ATXN2: variants seen among roughly 807,000 people sequenced by gnomAD.
ATXN2 encodes ataxin 2, also known as ataxin-2.
In ATXN2, 37 loss-of-function variants were observed where a neutral mutation model predicts 138.6. That is an observed-to-expected ratio of 0.27 (90% CI 0.21 to 0.35). The LOEUF (loss-of-function observed/expected upper bound fraction) is 0.35. Ranked by LOEUF, ATXN2 falls within the 10% of genes least tolerant of loss-of-function variation. The pLI is 1.00. For synonymous variants in ATXN2, 549 were observed against 543.7 expected, an observed-to-expected ratio of 1.01 and a Z score of -0.13; for missense variants, 1,216 against 1,480.3, an observed-to-expected ratio of 0.82 and a Z score of 2.93.
At position 111,543,698 on chromosome 12, in the gene ATXN2, C is replaced by T. The variant is rs563994934; in HGVS notation, c.571+8582G>A. ...ATTCCATTTTTCTTGAATTTATTCA[C>T]GTGCTTTGCTATCTCTAACTCTAAA... On this transcript the variant is annotated intron_variant, in intron 5 of 24. Transcript: ENST00000673436. Among the ~76,000 whole-genome samples the T allele has an allele frequency of 1.1e-3, 165 of 152,266 alleles. 3 individuals are homozygous for T. In the South Asian group the frequency reaches 0.031, roughly 29 times the overall value.
Position 111,599,119 on chromosome 12 carries a change from G to C in ATXN2, c.-85C>G, listed in dbSNP as rs898567248. ...CCAAGGAGACGCCGGAACGCGGCGG[G>C]GACGCGCGGGCGCCGAGCGGGGAGG... On this transcript the variant is annotated 5_prime_UTR_variant, in exon 1 of 25. Transcript: ENST00000673436. The C allele has an allele frequency of 8.0e-7, 1 of 1,243,580 alleles. No homozygotes were observed. Among genetic ancestry groups the C allele is most frequent in the Non-Finnish European group, 1.0e-6 (1 of 995,432 alleles). The allele number at this position is 1,243,580 out of a possible 1,614,324, so 77.0% of individuals were successfully genotyped here.
At chr12:111,594,889 G>T (rs1381843047) in intron 1 of ATXN2, among the ~76,000 whole-genome samples, 1 of 152,094 alleles carries the variant, frequency 6.6e-6, no homozygotes, top group Non-Finnish European at 1.5e-5. Flanking sequence ...CTATCAGCAC[G>T]ACAGATAAAC....
At chr12:111,558,463 G>GA (rs1217911097) in intron 1 of ATXN2, among the ~76,000 whole-genome samples, 2 of 152,082 alleles carry the variant, frequency 1.3e-5, no homozygotes, top group Non-Finnish European at 2.9e-5. Flanking sequence ...TGCCAAATAT[G>GA]AAATTCAAGT....
At chr12:111,575,223 A>G (rs1455666185) in intron 1 of ATXN2, among the ~76,000 whole-genome samples, 1 of 152,002 alleles carries the variant, frequency 6.6e-6, no homozygotes, top group African/African-American at 2.4e-5. Flanking sequence ...CAGACTGCTG[A>G]TAAGAGGGGC....
At chr12:111,475,492 T>C (rs1033532452) in intron 18 of ATXN2, among the ~76,000 whole-genome samples, 14 of 148,722 alleles carry the variant, frequency 9.4e-5, no homozygotes, top group East Asian at 1.9e-4. Flanking sequence ...TGTTTCTTTT[T>C]TTTTTTTTTT....
At position 111,509,602 on chromosome 12, in the gene ATXN2, A is replaced by G. The variant is rs1199728285; in HGVS notation, c.1882T>C (p.Ser628Pro). Residue 628 changes from serine (S) to proline (P), a missense_variant, in exon 14 of 25, where the codon TCT becomes CCT. By Grantham distance (74) the Ser-to-Pro change is moderately conservative. This residue lies in a region of ATXN2 where 215 missense variants were observed against 210.0 expected (regional missense o/e 1.02). Transcript: ENST00000673436. ...AENKGISPVV[S>P]EHRKQIDDLK... The stretch of plus-strand genomic sequence containing the variant: ...TCATCAATCTGTTTTCTATGTTCAG[A>G]AACAACTGGTGATATACCTGTAAAA... The G allele has an allele frequency of 2.0e-6, 3 of 1,494,880 alleles. No individual in the cohort carries two copies. Among genetic ancestry groups the G allele is most frequent in the Non-Finnish European group, 2.8e-6 (3 of 1,085,894 alleles). The allele number at this position is 1,494,880 out of a possible 1,614,324, so 92.6% of individuals were successfully genotyped here.
chr12:111,564,658 T>G (rs1427900464), intron 1 of ATXN2, among the ~76,000 whole-genome samples: 12 of 150,582 alleles, frequency 8.0e-5, no homozygotes, highest in African/African-American at 2.4e-4. Context: ...GGTGCAGAGG[T>G]GCAGCCTGTA....
intron 10 of ATXN2, among the ~76,000 whole-genome samples, chr12:111,515,705 G>T (rs1040994479): frequency 6.6e-5 from 10 of 152,090 alleles, no homozygotes; most frequent in Admixed American, 3.9e-4. Flanking sequence ...CAGCTACATG[G>T]GCTGTCGCTC....
chr12:111,598,994 TGCTGC>T lies in ATXN2; in HGVS notation c.36_40del (p.Gln13AlafsTer75), dbSNP rs748746739. ...CTGCTGCTGTTGCTGCTGCTGCTGC[TGCTGC>T]TGCTGCTGCTGCTGCTGCTGGGGCT... On this transcript the variant is annotated frameshift_variant, in exon 1 of 25. Transcript: ENST00000673436. LOFTEE classifies it high-confidence loss of function. This position sits in a 1 kb window ranked among gnomAD's most constrained non-coding sequence, Gnocchi z 4.5. 554 of 1,402,000 alleles carry T rather than the reference TGCTGC, an allele frequency of 4.0e-4. 2 individuals carry two copies. The African/African-American group carries it at 4.6e-3, about 12-fold the overall frequency. 86.8% of individuals were successfully genotyped at this position (1,402,000 alleles called of 1,614,324 possible).
chr12:111,481,953 C>G (rs769363403), intron 18 of ATXN2, among the ~76,000 whole-genome samples: 1 of 152,072 alleles, frequency 6.6e-6, no homozygotes, highest in Non-Finnish European at 1.5e-5. Flanking sequence ...TGAGCCACTG[C>G]TCCCAGCCTC....
At chr12:111,583,766 C>CAAAAAAA (rs748838859) in intron 1 of ATXN2, among the ~76,000 whole-genome samples, 23 of 58,082 alleles carry the variant, frequency 4.0e-4, no homozygotes, top group South Asian at 1.0e-3. Flanking sequence ...GACTCCGACT[C>CAAAAAAA]AAAAAAAAAA....
intron 2 of ATXN2, among the ~76,000 whole-genome samples, chr12:111,555,143 T>C (rs1333465363): frequency 1.3e-5 from 2 of 151,764 alleles, no homozygotes; most frequent in African/African-American, 4.8e-5. Context: ...AGGAGAAAAA[T>C]GAAAGCAGCA....
chr12:111,585,025 T>C (rs908706745), intron 1 of ATXN2, among the ~76,000 whole-genome samples: 11 of 152,206 alleles, frequency 7.2e-5, no homozygotes, highest in Admixed American at 7.2e-4. Context: ...AAAATGCTTG[T>C]CATAATCCAC....
intron 14 of ATXN2, among the ~76,000 whole-genome samples, chr12:111,503,528 AC>A (rs1286391650): frequency 1.1e-4 from 16 of 152,346 alleles, no homozygotes; most frequent in African/African-American, 3.8e-4. Context: ...TCTGAAGAGA[AC>A]AATTAGAAAG....
intron 22 of ATXN2, 110 bp from the exon 23 acceptor site, chr12:111,456,366 G>A: frequency 9.0e-7 from 1 of 1,108,364 alleles, no homozygotes; most frequent in Non-Finnish European, 1.3e-6. Flanking sequence ...GAGGGTCACT[G>A]GAAAGTACAG....
chr12:111,467,602 C>T (rs1876115521), intron 20 of ATXN2, among the ~76,000 whole-genome samples: 2 of 152,128 alleles, frequency 1.3e-5, no homozygotes, highest in Non-Finnish European at 2.9e-5. Flanking sequence ...GAGAGTAGTT[C>T]AGATTTGGCT....
chr12:111,553,615 T>TTTTTTTTTTTTTTTA, intron 3 of ATXN2, among the ~76,000 whole-genome samples: 1 of 146,020 alleles, frequency 6.8e-6, no homozygotes. Flanking sequence ...TTTTTTTTTT[T>TTTTTTTTTTTTTTTA]GAGAAGGGGT....
chr12:111,494,497 C>T (rs1246097991), intron 14 of ATXN2, among the ~76,000 whole-genome samples: 1 of 149,382 alleles, frequency 6.7e-6, no homozygotes, highest in East Asian at 2.0e-4. Context: ...ACAATATTGA[C>T]TCACTGCAAC....
At chr12:111,566,242 G>A (rs899980179) in intron 1 of ATXN2, among the ~76,000 whole-genome samples, 4 of 151,932 alleles carry the variant, frequency 2.6e-5, no homozygotes, top group Non-Finnish European at 5.9e-5. Context: ...AGACCAGCCT[G>A]ACCAACATGG....
Sources: allele counts gnomAD v4.1 joint callset (sites outside exome capture counted in the v4.1 genomes callset), GRCh38; gene constraint gnomAD v4.1.1; regional missense constraint gnomAD v4.1.1; non-coding constraint Gnocchi (gnomAD v3.1); transcripts MANE v1.5; gene names NCBI Gene and HGNC (gene_info 2026-07-23, HGNC 2026-07-21).